The following CD2AP variants were observed in gnomAD, a reference collection of about 807,000 sequenced individuals.
CD2AP encodes CD2 associated protein.
A neutral mutation model predicts 85.1 loss-of-function variants in CD2AP; 46 were observed. The ratio of observed to expected loss-of-function variants is 0.54; its 90% confidence interval spans 0.43 to 0.69. The LOEUF is 0.69. Among genes scored for constraint, CD2AP ranks in the 30% least tolerant of loss-of-function variants. The probability of loss-of-function intolerance (pLI) is 0.00; values close to 1 mark genes in which losing one functional copy is unlikely to be tolerated. For missense variants in CD2AP, 769 were observed against 729.5 expected (o/e 1.05, Z -0.62); for synonymous variants, 255 against 252.9 (o/e 1.01, Z -0.08).
intron 7 of CD2AP, 57 bp from the exon 8 acceptor site, chr6:47,576,952 G>A (rs952741281): frequency 4.5e-6 from 4 of 898,656 alleles, no homozygotes; most frequent in African/African-American, 3.3e-5. Context: ...GGCTAAATAA[G>A]TATTTGTTGA....
Position 47,503,234 on chromosome 6 carries a change from T to G in CD2AP, c.5-46T>G, listed in dbSNP as rs746283610. ...AATTTATTAATATAGTTTACAGTAT[T>G]TTGTGAATTAGATTTTAGACATTTC... On this transcript the variant is annotated intron_variant, in intron 1 of 17. Transcript: ENST00000359314. 1.3e-5 allele frequency: 20 copies of G among 1,538,568 alleles called. No homozygotes were observed. In the African/African-American group the frequency reaches 2.7e-4, roughly 21 times the overall value.
chr6:47,519,766 T>C (rs997285462), intron 2 of CD2AP, among the ~76,000 whole-genome samples: 1 of 152,132 alleles, frequency 6.6e-6, no homozygotes, highest in African/African-American at 2.4e-5. Context: ...AGTCAACAAA[T>C]TTTTTTGAAT....
At chr6:47,621,704 A>T (rs1769749992) in intron 17 of CD2AP, among the ~76,000 whole-genome samples, 1 of 152,112 alleles carries the variant, frequency 6.6e-6, no homozygotes. Context: ...TTTTTTAATT[A>T]TCATTTCAAA....
At chr6:47,500,576 T>G (rs572912625) in intron 1 of CD2AP, among the ~76,000 whole-genome samples, 1 of 152,332 alleles carries the variant, frequency 6.6e-6, no homozygotes, top group Admixed American at 6.5e-5. Flanking sequence ...TTAAAGGTGG[T>G]TAATCTAGCA....
intron 13 of CD2AP, among the ~76,000 whole-genome samples, chr6:47,605,850 C>T (rs1206826280): frequency 6.6e-6 from 1 of 151,888 alleles, no homozygotes; most frequent in Admixed American, 6.6e-5. Context: ...TTTTATGCTA[C>T]TACAGTTTGT....
intron 4 of CD2AP, among the ~76,000 whole-genome samples, chr6:47,548,605 T>C (rs1240564906): frequency 2.0e-5 from 3 of 152,112 alleles, no homozygotes; most frequent in Non-Finnish European, 4.4e-5. Context: ...CCAGACGAAT[T>C]CACACCAGAA....
intron 2 of CD2AP, among the ~76,000 whole-genome samples, chr6:47,508,911 T>A (rs923315986): frequency 3.3e-5 from 5 of 152,200 alleles, no homozygotes; most frequent in African/African-American, 1.2e-4. Context: ...GTAGCACTTT[T>A]AATTTCCTTC....
chr6:47,576,718 G>A (rs1768323429), intron 7 of CD2AP, 116 bp downstream of exon 7: 1 of 815,030 alleles, frequency 1.2e-6, no homozygotes, highest in East Asian at 2.5e-5. Context: ...AATTCTATTA[G>A]ATGTAAGCAC....
chr6:47,505,965 T>C (rs1366804970), intron 2 of CD2AP, among the ~76,000 whole-genome samples: 4 of 64,954 alleles, frequency 6.2e-5, no homozygotes, highest in Non-Finnish European at 9.9e-5. Flanking sequence ...ACTTCCCAGA[T>C]GGGGTGGCTG....
intron 13 of CD2AP, among the ~76,000 whole-genome samples, chr6:47,604,988 C>T (rs1012502953): frequency 6.6e-6 from 1 of 151,914 alleles, no homozygotes; most frequent in African/African-American, 2.4e-5. Flanking sequence ...ACCTTTGTGT[C>T]CTCCATCCCT....
chr6:47,478,224 C>T lies in CD2AP; in HGVS notation c.-21C>T, dbSNP rs1582455491. 1 of 1,568,074 alleles carries T rather than the reference C, an allele frequency of 6.4e-7. No homozygotes were observed. The highest frequency in any genetic ancestry group is 8.6e-7 in the Non-Finnish European group (1 of 1,157,072). ...GAGGAGGAGGAGCGGACGTCGGCTT[C>T]TCCCCGCGGGAGCCCCCAGCATGGG... On this transcript the variant is annotated 5_prime_UTR_variant, in exon 1 of 18. Coordinates refer to ENST00000359314, the MANE Select transcript of CD2AP (RefSeq NM_012120.3).
chr6:47,524,377 T>C (rs1766669853), intron 2 of CD2AP, among the ~76,000 whole-genome samples: 1 of 152,136 alleles, frequency 6.6e-6, no homozygotes, highest in South Asian at 2.1e-4. Context: ...GAATTTCCCA[T>C]GTAAGCCTCA....
At chr6:47,529,562 T>C (rs772845425) in intron 2 of CD2AP, among the ~76,000 whole-genome samples, 3 of 152,192 alleles carry the variant, frequency 2.0e-5, no homozygotes, top group Non-Finnish European at 2.9e-5. Flanking sequence ...TAAATAGTTA[T>C]CTTACTGGTT....
chr6:47,566,323 T>TATATATATATATATATATACACACAC lies in CD2AP; in HGVS notation c.542-7740_542-7739insTATATATATATATATATACACACACA. On this transcript the variant is annotated intron_variant, in intron 5 of 17. Coordinates refer to ENST00000359314, the MANE Select transcript of CD2AP (RefSeq NM_012120.3). ...TAGAATATATATATATATATATATA[T>TATATATATATATATATATACACACAC]ACACATACACATATATATATATGTA... Among the ~76,000 whole-genome samples, 503 of 108,250 alleles carry TATATATATATATATATATACACACAC rather than the reference T, an allele frequency of 4.6e-3. 12 individuals are homozygous for TATATATATATATATATATACACACAC. The highest frequency in any genetic ancestry group is 7.5e-3 in the Non-Finnish European group (352 of 46,692). 71.0% of individuals were successfully genotyped at this position (108,250 alleles called of 152,430 possible). A position where few individuals can be genotyped will look rare whatever the true frequency, so the allele number is the denominator to read the frequency against.
In CD2AP at chr6:47,599,422, G is replaced by T; in HGVS notation, c.1396G>T (p.Val466Leu). Residue 466 changes from valine to leucine, a missense_variant, in exon 13 of 18, where the codon GTA (valine) becomes TTA (leucine). By Grantham distance (32) the Val-to-Leu change is conservative. Coordinates refer to ENST00000359314, the MANE Select transcript of CD2AP (RefSeq NM_012120.3). ...PKSVDFDSLT[V>L]RTSKETDVVN... The stretch of plus-strand genomic sequence containing the variant: ...ATCAGTAGACTTTGATTCACTTACA[G>T]TAAGGACCTCCAAAGAAACAGGTAA... The T allele has an allele frequency of 6.2e-7, 1 of 1,612,182 alleles. No individual in the cohort carries two copies. The highest frequency in any genetic ancestry group is 1.1e-5 in the South Asian group (1 of 91,022).
chr6:47,497,776 G>GT (rs779431948), intron 1 of CD2AP, among the ~76,000 whole-genome samples: 1 of 152,110 alleles, frequency 6.6e-6, no homozygotes, highest in Non-Finnish European at 1.5e-5. Flanking sequence ...ATCATCTTTA[G>GT]TTTTTTGTCC....
In CD2AP at chr6:47,574,392, A is replaced by C. The variant is rs2114096664; in HGVS notation, c.729+141A>C. ...TTTGGTTATGAATGAGGAGGCTGTG[A>C]GAAATTTTGTCTCCAAATTTACAAT... On this transcript the variant is annotated intron_variant, in intron 6 of 17. Coordinates refer to ENST00000359314, the MANE Select transcript of CD2AP (RefSeq NM_012120.3). 5.6e-6 allele frequency: 4 copies of C among 710,312 alleles called. No individual in the cohort carries two copies. In the East Asian group the frequency reaches 1.1e-4, roughly 20 times the overall value. 44.0% of individuals were successfully genotyped at this position (710,312 alleles called of 1,614,324 possible). A position where few individuals can be genotyped will look rare whatever the true frequency, so the allele number is the denominator to read the frequency against.
At chr6:47,546,163 T>G (rs1438926238) in intron 4 of CD2AP, among the ~76,000 whole-genome samples, 1 of 151,778 alleles carries the variant, frequency 6.6e-6, no homozygotes, top group Non-Finnish European at 1.5e-5. Context: ...AAATAAAAAA[T>G]AATCAAAACT....
intron 1 of CD2AP, among the ~76,000 whole-genome samples, chr6:47,496,713 A>G (rs1362229394): frequency 1.3e-5 from 2 of 152,146 alleles, no homozygotes; most frequent in Non-Finnish European, 2.9e-5. Context: ...TTCTATTCTC[A>G]TTCTCCATAG....
Sources: gnomAD v4.1 joint callset for allele counts (sites outside exome capture counted in the v4.1 genomes callset) on GRCh38, gnomAD v4.1.1 for gene constraint, MANE v1.5 for transcripts, NCBI Gene and HGNC (gene_info 2026-07-23, HGNC 2026-07-21) for gene names.